The following ZNF730 variants were observed in gnomAD, a reference collection of about 807,000 sequenced individuals.
The protein encoded by ZNF730 is putative zinc finger protein 730.
Under a neutral mutation model 12.6 loss-of-function variants are expected in ZNF730, and 12 were observed. The ratio of observed to expected loss-of-function variants is 0.95; its 90% CI spans 0.61 to 1.54. The LOEUF (loss-of-function observed/expected upper bound fraction) is 1.54. Ranked by LOEUF, ZNF730 falls within the 40% of genes most tolerant of loss-of-function variation. The pLI, the probability that ZNF730 is intolerant of heterozygous loss-of-function variation, is 0.00. For missense variants in ZNF730, 643 were observed against 583.5 expected (o/e 1.10, Z -1.05); for synonymous variants, 194 against 195.8 (o/e 0.99, Z 0.08).
intron 1 of ZNF730, among the ~76,000 whole-genome samples, chr19:23,091,813 CT>C (rs1200667445): frequency 6.6e-6 from 1 of 152,150 alleles, no homozygotes; most frequent in Non-Finnish European, 1.5e-5. Flanking sequence ...AGGGACTTGC[CT>C]TGTCTCAGAT....
At chr19:23,101,911 A>G (rs1176943009) in intron 1 of ZNF730, among the ~76,000 whole-genome samples, 1 of 152,086 alleles carries the variant, frequency 6.6e-6, no homozygotes, top group African/African-American at 2.4e-5. Flanking sequence ...TTTTTCTTGC[A>G]TTGGTACTGC....
intron 3 of ZNF730, among the ~76,000 whole-genome samples, chr19:23,140,703 C>T (rs370457684): frequency 1.8e-3 from 266 of 151,964 alleles, no homozygotes; most frequent in African/African-American, 6.2e-3. Context: ...TCTGTAATCC[C>T]AGCACTTTGG....
intron 1 of ZNF730, among the ~76,000 whole-genome samples, chr19:23,125,494 A>G (rs948046479): frequency 1.3e-5 from 2 of 152,198 alleles, no homozygotes; most frequent in Non-Finnish European, 1.5e-5. Flanking sequence ...GAACTGGAGC[A>G]AAGGTGACTT....
At chr19:23,099,089 C>T (rs988390515) in intron 1 of ZNF730, among the ~76,000 whole-genome samples, 2 of 152,144 alleles carry the variant, frequency 1.3e-5, no homozygotes, top group African/African-American at 4.8e-5. Flanking sequence ...CACTATCACA[C>T]AGGGACAGAA....
intron 3 of ZNF730, among the ~76,000 whole-genome samples, chr19:23,141,567 G>T (rs994836798): frequency 6.6e-6 from 1 of 152,148 alleles, no homozygotes; most frequent in Admixed American, 6.5e-5. Context: ...CATTGAGCAG[G>T]ATAGACACAT....
chr19:23,077,424 CTTTTTTTTTTT>C (rs71163442), intron 1 of ZNF730, among the ~76,000 whole-genome samples: 6 of 45,568 alleles, frequency 1.3e-4, no homozygotes, highest in Non-Finnish European at 1.9e-4. Context: ...TCCCTAAGAG[CTTTTTTTTTTT>C]TTTTTTTTTT....
At chr19:23,107,444 AAT>A (rs1970406069) in intron 1 of ZNF730, among the ~76,000 whole-genome samples, 1 of 124,782 alleles carries the variant, frequency 8.0e-6, no homozygotes, top group Non-Finnish European at 1.6e-5. Context: ...TTAAAAAAAA[AAT>A]ACCAAAAAAA....
chr19:23,124,503 G>C (rs974867942), intron 1 of ZNF730, among the ~76,000 whole-genome samples: 3 of 152,182 alleles, frequency 2.0e-5, no homozygotes, highest in African/African-American at 7.2e-5. Flanking sequence ...ATCAGCCTGA[G>C]TCTCTCCTGC....
chr19:23,092,146 C>T (rs925568898), intron 1 of ZNF730, among the ~76,000 whole-genome samples: 4 of 152,178 alleles, frequency 2.6e-5, no homozygotes, highest in Admixed American at 6.6e-5. Flanking sequence ...GCTTCTTTCT[C>T]ATTTTCTCTT....
chr19:23,103,241 G>A (rs1381730242), intron 1 of ZNF730, among the ~76,000 whole-genome samples: 1 of 152,174 alleles, frequency 6.6e-6, no homozygotes, highest in Non-Finnish European at 1.5e-5. Context: ...ACAAAATAGA[G>A]CTAAAAGTTC....
intron 1 of ZNF730, among the ~76,000 whole-genome samples, chr19:23,120,962 G>A (rs961185007): frequency 5.3e-5 from 8 of 152,090 alleles, no homozygotes; most frequent in African/African-American, 1.7e-4. Context: ...TTATTCAAAA[G>A]TCATTCACAT....
upstream of ZNF730, among the ~76,000 whole-genome samples, chr19:23,114,305 C>CTTTTTTTTTTTTTTTTTTTTTTTTTTT (rs869304180): frequency 9.7e-6 from 1 of 103,508 alleles, no homozygotes. Flanking sequence ...TTTTTCTTTT[C>CTTTTTTTTTTTTTTTTTTTTTTTTTTT]TTTTTTTTTT....
Position 23,078,866 on chromosome 19 carries a change from A to G in ZNF730, c.-94+3479A>G, listed in dbSNP as rs184089487. Among the ~76,000 whole-genome samples the G allele has an allele frequency of 5.9e-5, 9 of 151,984 alleles. No individual in the cohort carries two copies. The East Asian group carries it at 1.8e-3, about 30-fold the overall frequency. ...TGTGCCCAGACTGGAGTGCAGTGGC[A>G]CAATCTCGGCTCACTGCAACGTCCA... On this transcript the variant is annotated intron_variant, in intron 1 of 2. Transcript: ENST00000593635.
rs563442151 is a variant in ZNF730 at position 23,091,583 on chromosome 19, A to G, written c.-94+16196A>G. On this transcript the variant is annotated intron_variant, in intron 1 of 2. Transcript: ENST00000593635. ...CGGATCATGGGAACCCACCTTTTGC[A>G]TCAGCGTGACCTGGATCTGAGACTT... 2.0e-5 allele frequency among the ~76,000 whole-genome samples: 3 copies of G among 152,356 alleles called. No individual in the cohort carries two copies. In the East Asian group the frequency reaches 5.8e-4, roughly 29 times the overall value.
chr19:23,098,977 A>G (rs1970295805), intron 1 of ZNF730, among the ~76,000 whole-genome samples: 1 of 152,166 alleles, frequency 6.6e-6, no homozygotes. Context: ...ACTCTCGCAT[A>G]TTGTATAAAG....
At chr19:23,114,362 AGT>A (rs939544461), upstream of ZNF730, among the ~76,000 whole-genome samples, 14 of 122,990 alleles carry the variant, frequency 1.1e-4, no homozygotes, top group Non-Finnish European at 1.7e-4. Flanking sequence ...GCTGGAGTGC[AGT>A]GGAGCGATCT....
intron 1 of ZNF730, among the ~76,000 whole-genome samples, chr19:23,090,011 G>A (rs929416945): frequency 2.0e-5 from 3 of 152,176 alleles, no homozygotes; most frequent in African/African-American, 7.2e-5. Context: ...ACTTTGAGAG[G>A]CTGAGGAGGG....
chr19:23,103,812 AACCAC>A (rs1420586554), intron 1 of ZNF730, among the ~76,000 whole-genome samples: 2 of 152,164 alleles, frequency 1.3e-5, no homozygotes, highest in Non-Finnish European at 2.9e-5. Context: ...AGTTATTGTA[AACCAC>A]AGAGATAGCC....
intron 1 of ZNF730, among the ~76,000 whole-genome samples, chr19:23,096,938 A>G (rs1970261671): frequency 6.6e-6 from 1 of 152,166 alleles, no homozygotes; most frequent in African/African-American, 2.4e-5. Context: ...GTGTTATGAC[A>G]TCTTTTTCAT....
Sources: allele counts gnomAD v4.1 joint callset (sites outside exome capture counted in the v4.1 genomes callset), GRCh38; gene constraint gnomAD v4.1.1; transcripts MANE v1.5; gene names NCBI Gene and HGNC (gene_info 2026-07-23, HGNC 2026-07-21).